The following PCYT1A variants were observed in gnomAD, a reference collection of about 807,000 sequenced individuals.
PCYT1A encodes the protein choline-phosphate cytidylyltransferase A.
A neutral mutation model predicts 43.7 loss-of-function variants in PCYT1A; 25 were observed. The ratio of observed to expected loss-of-function variants is 0.57; its 90% CI spans 0.42 to 0.80. The LOEUF (loss-of-function observed/expected upper bound fraction) is 0.80. Ranked by LOEUF, PCYT1A falls within the 30% of genes least tolerant of loss-of-function variation. The pLI, the probability that PCYT1A is intolerant of heterozygous loss-of-function variation, is 0.00. For synonymous variants in PCYT1A, 172 were observed against 170.7 expected (o/e 1.01, Z -0.06); for missense variants, 421 against 474.2 (o/e 0.89, Z 1.04).
intron 3 of PCYT1A, among the ~76,000 whole-genome samples, chr3:196,253,463 A>T (rs1332099313): frequency 6.6e-6 from 1 of 152,230 alleles, no homozygotes; most frequent in African/African-American, 2.4e-5. Flanking sequence ...CACAAGGGAT[A>T]GAATATACAA....
intron 2 of PCYT1A, among the ~76,000 whole-genome samples, chr3:196,267,106 G>T (rs931435836): frequency 1.3e-5 from 2 of 150,624 alleles, no homozygotes; most frequent in Non-Finnish European, 2.9e-5. Context: ...TTGAACCCAG[G>T]AGGCGGAGGT....
chr3:196,250,062 C>T (rs1450244399), intron 3 of PCYT1A, among the ~76,000 whole-genome samples: 2 of 149,910 alleles, frequency 1.3e-5, no homozygotes, highest in Non-Finnish European at 3.0e-5. Context: ...ATACACCATG[C>T]CGAGGCTGAG....
In PCYT1A at chr3:196,268,961, A is replaced by G. The variant is rs1725354486; in HGVS notation, c.117+1454T>C. Among the ~76,000 whole-genome samples the G allele has an allele frequency of 6.6e-6, 1 of 152,224 alleles. No individual in the cohort carries two copies. Among genetic ancestry groups the G allele is most frequent in the South Asian group, 2.1e-4 (1 of 4,836 alleles). On this transcript the variant is annotated intron_variant, in intron 2 of 8. Transcript: ENST00000431016. The surrounding 1 kb of genome is among the most constrained non-coding windows in gnomAD (Gnocchi z 4.4). ...GAGGTTCAGAATCAGAGCAGGAGAC[A>G]TGGCAGAAGCAATCGTCAGAGTGAT... is the stretch of plus-strand genomic sequence containing the variant.
chr3:196,245,180 C>T (rs1302796298), intron 5 of PCYT1A, among the ~76,000 whole-genome samples: 3 of 149,098 alleles, frequency 2.0e-5, no homozygotes, highest in Admixed American at 1.3e-4. Flanking sequence ...CTCGCTCTGT[C>T]GCCCAGGCTG....
chr3:196,279,765 C>T (rs1259095681), intron 1 of PCYT1A, among the ~76,000 whole-genome samples: 2 of 149,860 alleles, frequency 1.3e-5, no homozygotes, highest in Non-Finnish European at 3.0e-5. Context: ...CATGTCTATG[C>T]TTGAGTCTGA....
rs1724292853 is a variant in PCYT1A, at chr3:196,239,660, C to CT, written c.783dup (p.Glu262ArgfsTer12). ...TTTTCCTCCACCTTCTGAACAAATT[C>CT]TTTTGACTTTTCCTCCACATCTTTC... On this transcript the variant is annotated frameshift_variant, in exon 8 of 9. Coordinates refer to ENST00000431016, the MANE Select transcript of PCYT1A (RefSeq NM_001312673.2). LOFTEE classifies it high-confidence loss of function. 6.2e-7 allele frequency: 1 copy of CT among 1,611,588 alleles called. No homozygotes were observed. The highest frequency in any genetic ancestry group is 8.5e-7 in the Non-Finnish European group (1 of 1,177,758).
intron 1 of PCYT1A, among the ~76,000 whole-genome samples, chr3:196,279,625 C>T (rs922480880): frequency 2.0e-5 from 3 of 152,104 alleles, no homozygotes; most frequent in African/African-American, 7.2e-5. Context: ...TGCTGAGGCA[C>T]ATCAGCTTTG....
intron 2 of PCYT1A, among the ~76,000 whole-genome samples, chr3:196,265,421 C>A (rs1725238531): frequency 6.6e-6 from 1 of 152,036 alleles, no homozygotes; most frequent in Non-Finnish European, 1.5e-5. Context: ...CTTTTGTGAT[C>A]CTTTTGATTG....
chr3:196,280,569 TG>T (rs1489624699), intron 1 of PCYT1A, among the ~76,000 whole-genome samples: 112 of 122,848 alleles, frequency 9.1e-4, no homozygotes, highest in African/African-American at 3.1e-3. Context: ...GTATTTTTAT[TG>T]TTTTTTTTTT....
At chr3:196,254,207 T>C (rs1304101337) in intron 3 of PCYT1A, among the ~76,000 whole-genome samples, 1 of 150,708 alleles carries the variant, frequency 6.6e-6, no homozygotes, top group African/African-American at 2.5e-5. Flanking sequence ...TTTATATTTT[T>C]AGTAGAGACG....
chr3:196,266,797 G>A (rs1725286384), intron 2 of PCYT1A, among the ~76,000 whole-genome samples: 1 of 151,994 alleles, frequency 6.6e-6, no homozygotes, highest in Admixed American at 6.6e-5. Flanking sequence ...GGAGGCTAAG[G>A]CAGGAGAATC....
chr3:196,273,812 T>C lies in PCYT1A; in HGVS notation c.-10-3271A>G, dbSNP rs942009821. On this transcript the variant is annotated intron_variant, in intron 1 of 8. Coordinates refer to ENST00000431016, the MANE Select transcript of PCYT1A (RefSeq NM_001312673.2). This position sits in a 1 kb window ranked among gnomAD's most constrained non-coding sequence, Gnocchi z 4.1. ...AAGTTCTCATTCCAGTCCACAGAAC[T>C]GGCAGCCTGGGCCCCAGGCTTCAGG... is the stretch of plus-strand genomic sequence containing the variant. Among the ~76,000 whole-genome samples the C allele has an allele frequency of 6.6e-6, 1 of 152,184 alleles. No individual in the cohort carries two copies. Among genetic ancestry groups the C allele is most frequent in the Non-Finnish European group, 1.5e-5 (1 of 68,016 alleles).
rs1485294885 is a variant in PCYT1A, at chr3:196,236,873, G to A, written c.*1815C>T. The A allele has an allele frequency of 6.6e-6, 1 of 152,120 alleles. No individual in the cohort carries two copies. The highest frequency in any genetic ancestry group is 1.5e-5 in the Non-Finnish European group (1 of 68,050). 9.4% of individuals were successfully genotyped at this position (152,120 alleles called of 1,614,324 possible). On this transcript the variant is annotated 3_prime_UTR_variant, in exon 9 of 9. Transcript: ENST00000431016. The stretch of plus-strand genomic sequence containing the variant: ...GTAGAGATGGGGTTTCACCACGTTG[G>A]TCAGGCTGGTCTCAAACTCGTGGCC...
At chr3:196,269,581 G>A (rs137865731) in intron 2 of PCYT1A, among the ~76,000 whole-genome samples, 1 of 152,134 alleles carries the variant, frequency 6.6e-6, no homozygotes, top group Non-Finnish European at 1.5e-5. Context: ...AAAGCTTTAG[G>A]AAGGGTAGCA....
At position 196,276,928 on chromosome 3, in the gene PCYT1A, C is replaced by G. The variant is rs142938773; in HGVS notation, c.-10-6387G>C. ...TCCAGCCTGGACAGCAAAGTGAGAC[C>G]CTTTCTCAAAAAAAAAAAAGGCCAC... On this transcript the variant is annotated intron_variant, in intron 1 of 8. Transcript: ENST00000431016. Among the ~76,000 whole-genome samples, 610 of 151,800 alleles carry G rather than the reference C, an allele frequency of 4.0e-3. 5 individuals are homozygous for G. The highest frequency in any genetic ancestry group is 4.3e-3 in the Non-Finnish European group (294 of 67,906).
chr3:196,251,149 C>T (rs867595899), intron 3 of PCYT1A, among the ~76,000 whole-genome samples: 56 of 145,254 alleles, frequency 3.9e-4, no homozygotes, highest in Non-Finnish European at 6.8e-4. Context: ...CCAGATACAC[C>T]ATGCTGAGGC....
intron 1 of PCYT1A, among the ~76,000 whole-genome samples, chr3:196,275,592 G>T (rs1374749562): frequency 6.6e-6 from 1 of 152,096 alleles, no homozygotes; most frequent in Non-Finnish European, 1.5e-5. Flanking sequence ...AAATAGCTGG[G>T]TGTGGTGGCG....
Position 196,235,753 on chromosome 3 carries a change from G to A in PCYT1A, c.*2935C>T, listed in dbSNP as rs1275606796. ...GACTGCTTTCTCGTGTGTGATTCAG[G>A]GAAACAGCTCCATAGCCTCAAACGT... is the stretch of plus-strand genomic sequence containing the variant. On this transcript the variant is annotated 3_prime_UTR_variant, in exon 9 of 9. Coordinates refer to ENST00000431016, the MANE Select transcript of PCYT1A (RefSeq NM_001312673.2). The surrounding 1 kb of genome is among the most constrained non-coding windows in gnomAD (Gnocchi z 4.3). 1 of 152,258 alleles carries A rather than the reference G, an allele frequency of 6.6e-6. No homozygotes were observed. Among genetic ancestry groups the A allele is most frequent in the Admixed American group, 6.5e-5 (1 of 15,282 alleles). The allele number at this position is 152,258 out of a possible 1,614,324, so 9.4% of individuals were successfully genotyped here.
intron 4 of PCYT1A, 30 bp downstream of exon 4, chr3:196,248,177 A>G: frequency 8.4e-7 from 1 of 1,186,296 alleles, no homozygotes; most frequent in Non-Finnish European, 1.3e-6. Context: ...TTTTCTGCAC[A>G]GCACCTGAAG....
Sources: gnomAD v4.1 joint callset for allele counts (sites outside exome capture counted in the v4.1 genomes callset) on GRCh38, gnomAD v4.1.1 for gene constraint, Gnocchi (gnomAD v3.1) non-coding constraint, MANE v1.5 for transcripts, NCBI Gene and HGNC (gene_info 2026-07-23, HGNC 2026-07-21) for gene names.